Variants in ANTXR2 observed in about 807,000 individuals in gnomAD.
The protein encoded by ANTXR2 is anthrax toxin receptor 2.
ANTXR2 carries 44 observed loss-of-function variants against 73.7 expected under a neutral mutation model. That is an observed-to-expected ratio of 0.60 (90% confidence interval 0.47 to 0.77). The LOEUF is 0.77. ANTXR2 is among the 30% of genes least tolerant of loss of function. The pLI, the probability that ANTXR2 is intolerant of heterozygous loss-of-function variation, is 0.00. For missense variants in ANTXR2, 604 were observed against 592.5 expected (o/e 1.02, Z -0.20); for synonymous variants, 217 against 205.9 (o/e 1.05, Z -0.46).
chr4:80,007,503 T>A (rs987002523), intron 12 of ANTXR2, among the ~76,000 whole-genome samples: 2 of 152,114 alleles, frequency 1.3e-5, no homozygotes, highest in African/African-American at 4.8e-5. Flanking sequence ...ACTGTGAATA[T>A]GTTATCTTAA....
At chr4:79,966,123 C>T (rs905851785) in intron 16 of ANTXR2, among the ~76,000 whole-genome samples, 1 of 64,752 alleles carries the variant, frequency 1.5e-5, no homozygotes, top group East Asian at 3.3e-4. Context: ...TATGCTAGGA[C>T]TTAGACACAC....
chr4:80,046,824 GC>G (rs1292359333), intron 7 of ANTXR2, among the ~76,000 whole-genome samples: 2 of 151,710 alleles, frequency 1.3e-5, no homozygotes, highest in African/African-American at 4.8e-5. Flanking sequence ...CTTGAACACA[GC>G]CCAGTACCCA....
In ANTXR2 at chr4:79,951,593, A is replaced by AC. The variant is rs964922130; in HGVS notation, c.1428+26027_1428+26028insG. ...TCTATCTCAAAAAACAACAACAACA[A>AC]AAAAAAAAAAACAACAAAAAGAACA... On this transcript the variant is annotated intron_variant, in intron 16 of 16. Transcript: ENST00000403729. Among the ~76,000 whole-genome samples, 66 of 51,444 alleles carry AC rather than the reference A, an allele frequency of 1.3e-3. 1 individual carries two copies. The highest frequency in any genetic ancestry group is 0.015 in the Middle Eastern group (1 of 68). The allele number at this position is 51,444 out of a possible 152,430, so 33.7% of individuals were successfully genotyped here. A position where few individuals can be genotyped will look rare whatever the true frequency, so the allele number is the denominator to read the frequency against.
chr4:79,926,904 T>TGTGTGCATATATGTGTATATATACAC (rs1491538219), intron 16 of ANTXR2, among the ~76,000 whole-genome samples: 2 of 127,338 alleles, frequency 1.6e-5, no homozygotes, highest in Non-Finnish European at 3.5e-5. Flanking sequence ...TATATACACA[T>TGTGTGCATATATGTGTATATATACAC]GTGTGCATAT....
rs144618912 is a variant in ANTXR2 at position 80,018,891 on chromosome 4, T to C, written c.945+7A>G. On this transcript the variant is annotated splice_region_variant and intron_variant, in intron 11 of 16. Coordinates refer to ENST00000403729, the MANE Select transcript of ANTXR2 (RefSeq NM_058172.6). ...AAAAGATAATCTTTGTGCAAACTTT[T>C]ACTTACACATTCTGTGGCTGTGACA... 2.1e-4 allele frequency: 321 copies of C among 1,510,178 alleles called. 4 individuals carry two copies. Among genetic ancestry groups the C allele is most frequent in the Admixed American group, 4.0e-4 (17 of 42,990 alleles). 93.5% of individuals were successfully genotyped at this position (1,510,178 alleles called of 1,614,324 possible).
chr4:79,990,447 T>C (rs1432359976), intron 12 of ANTXR2, among the ~76,000 whole-genome samples: 2 of 141,506 alleles, frequency 1.4e-5, no homozygotes, highest in Non-Finnish European at 3.0e-5. Flanking sequence ...CTCTGTGCAA[T>C]GAGAATTACC....
rs138296191 is a variant in ANTXR2, at chr4:80,013,189, C to T, written c.946-4573G>A. ...ACATAAAGGATTGTCTAAATACAAA[C>T]CCTCCTCAGACTCTAATCTTAAATC... On this transcript the variant is annotated intron_variant, in intron 11 of 16. Coordinates refer to ENST00000403729, the MANE Select transcript of ANTXR2 (RefSeq NM_058172.6). 4.1e-4 allele frequency among the ~76,000 whole-genome samples: 63 copies of T among 152,296 alleles called. 1 individual carries two copies. The highest frequency in any genetic ancestry group is 1.4e-3 in the African/African-American group (57 of 41,564).
At chr4:80,029,327 G>C (rs1005056076) in intron 10 of ANTXR2, among the ~76,000 whole-genome samples, 1 of 148,290 alleles carries the variant, frequency 6.7e-6, no homozygotes, top group African/African-American at 2.4e-5. Context: ...ACTATTATTT[G>C]AAAGCCAAGA....
At chr4:79,980,630 G>T (rs1729845436) in intron 14 of ANTXR2, among the ~76,000 whole-genome samples, 1 of 150,778 alleles carries the variant, frequency 6.6e-6, no homozygotes, top group African/African-American at 2.4e-5. Flanking sequence ...ATCGAGAAAA[G>T]AAACAAAAAC....
chr4:79,972,920 T>TAAAAAAAAAAAAAAAAAAAGAAAAAA (rs1729474287), intron 16 of ANTXR2, among the ~76,000 whole-genome samples: 1 of 53,158 alleles, frequency 1.9e-5, no homozygotes, highest in African/African-American at 1.5e-4. Flanking sequence ...TAGAGTATAA[T>TAAAAAAAAAAAAAAAAAAAGAAAAAA]AAAAAAAAAA....
In ANTXR2 at chr4:79,949,456, G is replaced by C. The variant is rs190553853; in HGVS notation, c.1428+28165C>G. The stretch of plus-strand genomic sequence containing the variant: ...TACTGTCATAATCCTTATCGCTATG[G>C]TCTTCCTGGAAAAGTACAGGCTAAT... On this transcript the variant is annotated intron_variant, in intron 16 of 16. Transcript: ENST00000403729. Among the ~76,000 whole-genome samples the C allele has an allele frequency of 5.3e-4, 80 of 152,266 alleles. 2 individuals carry two copies. In the South Asian group the frequency reaches 1.0e-2, roughly 19 times the overall value.
At chr4:79,914,329 C>T (rs1410028157) in intron 16 of ANTXR2, among the ~76,000 whole-genome samples, 3 of 152,078 alleles carry the variant, frequency 2.0e-5, no homozygotes, top group Non-Finnish European at 1.5e-5. Context: ...CCTCAGTGTA[C>T]ATTTTCTGTT....
chr4:80,066,969 G>A (rs10033166), intron 3 of ANTXR2, among the ~76,000 whole-genome samples: 55,949 of 151,904 alleles, frequency 0.37, 11,035 homozygotes, highest in Middle Eastern at 0.52. Context: ...AGGCCGAGGC[G>A]GACGGATCAC....
At chr4:79,958,875 A>G (rs763879343) in intron 16 of ANTXR2, among the ~76,000 whole-genome samples, 6 of 152,172 alleles carry the variant, frequency 3.9e-5, no homozygotes, top group Non-Finnish European at 7.4e-5. Context: ...AGGCACTCAG[A>G]GCTAACATAA....
chr4:80,033,336 TATC>T, intron 9 of ANTXR2, 133 bp downstream of exon 9: 3 of 609,090 alleles, frequency 4.9e-6, no homozygotes, highest in Non-Finnish European at 8.4e-6. Flanking sequence ...CTATTTGTAT[TATC>T]ATTCAGACTT....
At chr4:79,978,442 T>G (rs748729355) in intron 14 of ANTXR2, among the ~76,000 whole-genome samples, 2 of 152,182 alleles carry the variant, frequency 1.3e-5, no homozygotes, top group African/African-American at 2.4e-5. Context: ...TCCATAGTTT[T>G]AAATAAAGAG....
chr4:79,972,920 T>TAAAAAAA (rs746252575), intron 16 of ANTXR2, among the ~76,000 whole-genome samples: 1 of 53,180 alleles, frequency 1.9e-5, no homozygotes. Context: ...TAGAGTATAA[T>TAAAAAAA]AAAAAAAAAA....
chr4:80,055,851 C>G (rs929187824), intron 4 of ANTXR2, 81 bp downstream of exon 4: 1 of 1,048,534 alleles, frequency 9.5e-7, no homozygotes, highest in African/African-American at 1.7e-5. Flanking sequence ...AATGAGGTTA[C>G]TGAGCTTTGC....
intron 16 of ANTXR2, among the ~76,000 whole-genome samples, chr4:79,936,388 A>T (rs1450667166): frequency 6.6e-6 from 1 of 152,222 alleles, no homozygotes; most frequent in Non-Finnish European, 1.5e-5. Flanking sequence ...TTCACAACCT[A>T]GCACTAAAAC....
Sources: gnomAD v4.1 joint callset for allele counts (sites outside exome capture counted in the v4.1 genomes callset) on GRCh38, gnomAD v4.1.1 for gene constraint, MANE v1.5 for transcripts, NCBI Gene and HGNC (gene_info 2026-07-23, HGNC 2026-07-21) for gene names.